PCDH15: variants seen among roughly 807,000 people sequenced by gnomAD.
The protein encoded by PCDH15 is protocadherin related 15.
PCDH15 carries 129 observed loss-of-function variants against 178.5 expected under a neutral mutation model. That is an observed-to-expected ratio of 0.72 (90% CI 0.63 to 0.84). The LOEUF (loss-of-function observed/expected upper bound fraction) is 0.84, where lower values mean the gene tolerates loss of function less well. Among genes scored for constraint, PCDH15 ranks in the 40% least tolerant of loss-of-function variants. The pLI, the probability that PCDH15 is intolerant of heterozygous loss-of-function variation, is 0.00. For synonymous variants in PCDH15, 800 were observed against 732.0 expected, an observed-to-expected ratio of 1.09 and a Z score of -1.50; for missense variants, 2,230 against 2,099.9, an observed-to-expected ratio of 1.06 and a Z score of -1.21.
At chr10:54,898,108 G>A (rs1382203849) in intron 2 of PCDH15, among the ~76,000 whole-genome samples, 1 of 152,058 alleles carries the variant, frequency 6.6e-6, no homozygotes, top group African/African-American at 2.4e-5. Flanking sequence ...ATGTCTGGTT[G>A]TTTAAAAGTG....
chr10:55,317,099 G>T (rs1211291976), intron 1 of PCDH15, among the ~76,000 whole-genome samples: 1 of 152,128 alleles, frequency 6.6e-6, no homozygotes, highest in Non-Finnish European at 1.5e-5. Context: ...ACTGCACACT[G>T]GTTGGGAACC....
At chr10:54,673,013 A>AT (rs1222782873) in intron 1 of PCDH15, among the ~76,000 whole-genome samples, 1 of 151,906 alleles carries the variant, frequency 6.6e-6, no homozygotes, top group African/African-American at 2.4e-5. Flanking sequence ...TACATTCCTA[A>AT]TTTTTTTTCT....
At chr10:54,909,048 C>A (rs913163310) in intron 2 of PCDH15, among the ~76,000 whole-genome samples, 10 of 152,204 alleles carry the variant, frequency 6.6e-5, no homozygotes, top group African/African-American at 2.2e-4. Context: ...GGTAGTTTCT[C>A]TCTGCAGCTG....
At chr10:54,934,681 G>A (rs1227153927) in intron 2 of PCDH15, among the ~76,000 whole-genome samples, 1 of 150,986 alleles carries the variant, frequency 6.6e-6, no homozygotes, top group Middle Eastern at 3.4e-3. Flanking sequence ...CGATTCCTCA[G>A]GGATCTACAA....
At chr10:54,093,380 C>A (rs929424923) in intron 15 of PCDH15, among the ~76,000 whole-genome samples, 1 of 152,064 alleles carries the variant, frequency 6.6e-6, no homozygotes, top group Non-Finnish European at 1.5e-5. Context: ...AGTTTTTCAG[C>A]CAAGAAAGCA....
intron 2 of PCDH15, among the ~76,000 whole-genome samples, chr10:54,566,768 C>A (rs1421895344): frequency 2.6e-5 from 4 of 152,184 alleles, no homozygotes; most frequent in African/African-American, 9.6e-5. Context: ...TTGTTCCCTC[C>A]CAAGTTTTGA....
chr10:55,520,237 T>C (rs1347923386), intron 2 of PCDH15, among the ~76,000 whole-genome samples: 1 of 82,536 alleles, frequency 1.2e-5, no homozygotes, highest in Non-Finnish European at 2.3e-5. Flanking sequence ...TGTGTATATA[T>C]ATATACACGC....
intron 2 of PCDH15, among the ~76,000 whole-genome samples, chr10:55,539,005 C>CCT (rs1841695641): frequency 1.0e-4 from 10 of 95,984 alleles, no homozygotes; most frequent in South Asian, 3.7e-4. Flanking sequence ...CTTTCCTTCC[C>CCT]TCCTCCTTTC....
intron 2 of PCDH15, among the ~76,000 whole-genome samples, chr10:55,529,991 A>G (rs181392779): frequency 1.0e-3 from 153 of 151,678 alleles, no homozygotes; most frequent in African/African-American, 3.4e-3. Context: ...AAAGCATAAA[A>G]AAACAATTAC....
chr10:54,040,856 T>C (rs189035402), intron 18 of PCDH15, among the ~76,000 whole-genome samples: 151 of 152,204 alleles, frequency 9.9e-4, no homozygotes, highest in African/African-American at 3.6e-3. Context: ...GCAAGCTTCA[T>C]AAATGATGAG....
intron 3 of PCDH15, among the ~76,000 whole-genome samples, chr10:54,467,530 TGTTTGTTTCA>T (rs1440737120): frequency 6.6e-6 from 1 of 151,738 alleles, no homozygotes; most frequent in Non-Finnish European, 1.5e-5. Flanking sequence ...CTTTTGTTAC[TGTTTGTTTCA>T]ATTTGATAGT....
At chr10:55,011,453 C>T (rs1299334389) in intron 2 of PCDH15, among the ~76,000 whole-genome samples, 2 of 152,042 alleles carry the variant, frequency 1.3e-5, no homozygotes, top group Non-Finnish European at 1.5e-5. Flanking sequence ...GGAGTCTTTT[C>T]TTAAACGGAA....
chr10:55,250,062 G>A lies in PCDH15; in HGVS notation c.-156+69537C>T, dbSNP rs181218765. 1.6e-4 allele frequency among the ~76,000 whole-genome samples: 25 copies of A among 152,134 alleles called. No homozygotes were observed. In the East Asian group the frequency reaches 4.4e-3, roughly 27 times the overall value. On this transcript the variant is annotated intron_variant, in intron 1 of 5. Transcript: ENST00000458638. ...TCTCTAGAGTCTAAAACAAATGAAC[G>A]TAAATTTTAAAGAAGTAATTTTGTT...
intron 2 of PCDH15, among the ~76,000 whole-genome samples, chr10:54,546,564 A>G (rs980695117): frequency 1.2e-4 from 19 of 152,190 alleles, no homozygotes; most frequent in African/African-American, 4.1e-4. Flanking sequence ...GACAAACACA[A>G]TTTGGAAGCA....
chr10:54,086,927 T>C (rs1171510263), intron 16 of PCDH15, among the ~76,000 whole-genome samples: 1 of 152,198 alleles, frequency 6.6e-6, no homozygotes, highest in Admixed American at 6.5e-5. Context: ...ATTATCTTTT[T>C]CATTCCAAAT....
At chr10:54,762,731 A>C (rs1948045856) in intron 1 of PCDH15, among the ~76,000 whole-genome samples, 1 of 152,102 alleles carries the variant, frequency 6.6e-6, no homozygotes, top group Non-Finnish European at 1.5e-5. Flanking sequence ...TTTTAAATTG[A>C]ACATTTATGA....
intron 2 of PCDH15, among the ~76,000 whole-genome samples, chr10:55,147,295 T>A (rs1936466): frequency 0.97 from 146,261 of 151,562 alleles, 70,763 homozygotes; most frequent in Non-Finnish European, 1. Context: ...TAAAATTAAG[T>A]ATTTTCATAG....
intron 2 of PCDH15, among the ~76,000 whole-genome samples, chr10:55,367,436 T>G (rs899055394): frequency 1.3e-5 from 2 of 151,758 alleles, no homozygotes. Context: ...AAAAAGTTAG[T>G]TGGACATGGT....
At chr10:53,862,220 T>G (rs974298301) in intron 27 of PCDH15, among the ~76,000 whole-genome samples, 2 of 152,034 alleles carry the variant, frequency 1.3e-5, no homozygotes, top group African/African-American at 2.4e-5. Flanking sequence ...CCTGGCTAAT[T>G]TTGAATTTTT....
Sources: gnomAD v4.1 joint callset for allele counts (sites outside exome capture counted in the v4.1 genomes callset) on GRCh38, gnomAD v4.1.1 for gene constraint, MANE v1.5 for transcripts, NCBI Gene and HGNC (gene_info 2026-07-23, HGNC 2026-07-21) for gene names.